The following DENND4C variants were observed in gnomAD, a reference collection of about 807,000 sequenced individuals.
DENND4C encodes DENN domain-containing protein 4C.
DENND4C carries 108 observed loss-of-function variants against 203.0 expected under a neutral mutation model. That is an observed-to-expected ratio of 0.53 (90% CI 0.46 to 0.62). The LOEUF (loss-of-function observed/expected upper bound fraction) is 0.62. Among genes scored for constraint, DENND4C ranks in the 20% least tolerant of loss-of-function variants. The pLI is 0.00. For synonymous variants in DENND4C, 871 were observed against 792.4 expected, an observed-to-expected ratio of 1.10 and a Z score of -1.67; for missense variants, 2,481 against 2,301.2, an observed-to-expected ratio of 1.08 and a Z score of -1.60.
chr9:19,300,646 C>T (rs1588874788), intron 9 of DENND4C, among the ~76,000 whole-genome samples: 1 of 152,116 alleles, frequency 6.6e-6, no homozygotes, highest in African/African-American at 2.4e-5. Flanking sequence ...TATTGAGAGG[C>T]TCTGGCCAAT....
intron 21 of DENND4C, among the ~76,000 whole-genome samples, 193 bp downstream of exon 21, chr9:19,341,307 C>CTTTTT (rs1369671422): frequency 6.0e-5 from 8 of 132,670 alleles, no homozygotes; most frequent in African/African-American, 2.3e-4. Context: ...AACTTTCTTT[C>CTTTTT]TTTCTTTTTT....
chr9:19,346,670 A>G lies in DENND4C; in HGVS notation c.3901A>G (p.Ser1301Gly). 1.2e-6 allele frequency: 2 copies of G among 1,614,198 alleles called. No individual in the cohort carries two copies. Among genetic ancestry groups the G allele is most frequent in the Non-Finnish European group, 1.7e-6 (2 of 1,180,036 alleles). Reference protein sequence around the residue: ...LKSPLGSKSSSMELHREENRE... With the variant: ...LKSPLGSKSSGMELHREENRE... ...AAGTCCCCTAGGTAGTAAATCTTCT[A>G]GTATGGAATTACACAGAGAGGAAAA... Residue 1301 changes from serine to glycine, a missense_variant, in exon 23 of 33, where the codon AGT (serine) becomes GGT (glycine). Physicochemically the swap from Ser to Gly is moderately conservative, Grantham distance 56. Transcript: ENST00000434457.
chr9:19,255,435 A>G (rs975339551), intron 1 of DENND4C, among the ~76,000 whole-genome samples: 2 of 151,884 alleles, frequency 1.3e-5, no homozygotes, highest in South Asian at 2.1e-4. Context: ...TAATGTAAAA[A>G]CCATCAAAAT....
chr9:19,320,681 A>G (rs1434267923), intron 12 of DENND4C, among the ~76,000 whole-genome samples: 1 of 152,176 alleles, frequency 6.6e-6, no homozygotes, highest in Admixed American at 6.5e-5. Flanking sequence ...CGTGGTGCTC[A>G]CTTCTTCCTA....
chr9:19,236,255 C>G (rs1173143664), intron 1 of DENND4C, among the ~76,000 whole-genome samples: 1 of 152,040 alleles, frequency 6.6e-6, no homozygotes, highest in Non-Finnish European at 1.5e-5. Context: ...TAAATAAGCA[C>G]CGTAACTACA....
intron 1 of DENND4C, among the ~76,000 whole-genome samples, chr9:19,262,286 C>T (rs1342522219): frequency 6.6e-6 from 1 of 151,618 alleles, no homozygotes; most frequent in African/African-American, 2.4e-5. Context: ...GGGGGTTTCA[C>T]CATGTTGGCC....
In DENND4C at chr9:19,300,168, T is replaced by C. The variant is rs1588873823; in HGVS notation, c.1167-19T>C. On this transcript the variant is annotated intron_variant, in intron 8 of 32. Coordinates refer to ENST00000434457, the MANE Select transcript of DENND4C (RefSeq NM_001330640.2). ...CAAAATAGTTCACAATGATCTACTT[T>C]TCTCTTTTTTTTCCCTAGTGGAGCC... 6.3e-7 allele frequency: 1 copy of C among 1,581,906 alleles called. No homozygotes were observed. The highest frequency in any genetic ancestry group is 8.6e-7 in the Non-Finnish European group (1 of 1,157,488).
At chr9:19,295,889 TCA>T in intron 5 of DENND4C, 117 bp from the exon 6 acceptor site, 2 of 707,800 alleles carry the variant, frequency 2.8e-6, no homozygotes, top group Admixed American at 2.9e-5. Context: ...ATTTTTTTTT[TCA>T]TAATTTATCT....
intron 9 of DENND4C, 103 bp downstream of exon 9, chr9:19,300,434 T>A: frequency 8.7e-7 from 1 of 1,150,974 alleles, no homozygotes. Flanking sequence ...ACAACAAATT[T>A]AAAAAAAGGA....
chr9:19,324,071 A>G (rs540425467), intron 12 of DENND4C, among the ~76,000 whole-genome samples: 3 of 152,330 alleles, frequency 2.0e-5, no homozygotes, highest in African/African-American at 4.8e-5. Flanking sequence ...TATAATGTAT[A>G]TGTGAAACAT....
intron 1 of DENND4C, among the ~76,000 whole-genome samples, chr9:19,269,029 T>C (rs899332906): frequency 6.6e-6 from 1 of 152,186 alleles, no homozygotes; most frequent in Non-Finnish European, 1.5e-5. Context: ...TGGTACATAC[T>C]TCTCTCTACC....
intron 1 of DENND4C, among the ~76,000 whole-genome samples, chr9:19,234,727 G>T (rs911929760): frequency 6.6e-6 from 1 of 151,534 alleles, no homozygotes; most frequent in African/African-American, 2.4e-5. Context: ...ATTTTTTGTA[G>T]AGACAGCGTT....
At chr9:19,336,442 C>A (rs760057466) in intron 19 of DENND4C, 28 bp downstream of exon 19, 1 of 1,595,176 alleles carries the variant, frequency 6.3e-7, no homozygotes, top group Non-Finnish European at 8.5e-7. Context: ...AAATATAATT[C>A]CTTACTGAAC....
At chr9:19,238,476 TCCC>T (rs1822659791) in intron 1 of DENND4C, among the ~76,000 whole-genome samples, 2 of 9,966 alleles carry the variant, frequency 2.0e-4, no homozygotes, top group African/African-American at 4.8e-4. Context: ...CCCTCTCCCC[TCCC>T]CTCCCCCTTC....
intron 20 of DENND4C, chr9:19,337,613 G>A (rs1218262025): frequency 7.8e-7 from 1 of 1,283,086 alleles, no homozygotes; most frequent in South Asian, 1.3e-5. Flanking sequence ...AGACTTATAT[G>A]ACGTGAAGCT....
intron 16 of DENND4C, 115 bp downstream of exon 16, chr9:19,328,277 G>A: frequency 9.2e-7 from 1 of 1,084,908 alleles, no homozygotes; most frequent in Non-Finnish European, 1.3e-6. Context: ...ACTCACTTTG[G>A]TTGTTATTGA....
At position 19,274,341 on chromosome 9, in the gene DENND4C, G is replaced by C. The variant is rs538358376; in HGVS notation, c.-17-1817G>C. Among the ~76,000 whole-genome samples, 13 of 152,014 alleles carry C rather than the reference G, an allele frequency of 8.6e-5. No individual in the cohort carries two copies. The South Asian group carries it at 2.7e-3, about 31-fold the overall frequency. On this transcript the variant is annotated intron_variant, in intron 1 of 32. Transcript: ENST00000434457. Reference sequence around the variant, plus strand: ...ATGGAATTTTGCTCTTGTTGCCCAGGCTGGAGTGCAATGGTGCGATCTCGG... The same window carrying C: ...ATGGAATTTTGCTCTTGTTGCCCAGCCTGGAGTGCAATGGTGCGATCTCGG...
chr9:19,332,164 G>A lies in DENND4C; in HGVS notation c.2440G>A (p.Asp814Asn). 6.2e-7 allele frequency: 1 copy of A among 1,613,906 alleles called. No homozygotes were observed. The highest frequency in any genetic ancestry group is 8.5e-7 in the Non-Finnish European group (1 of 1,179,884). The change falls in exon 17 of 33, where the codon GAT (aspartate) becomes AAT (asparagine). Residue 814 changes from aspartate to asparagine, a missense_variant. Coordinates refer to ENST00000434457, the MANE Select transcript of DENND4C (RefSeq NM_001330640.2). The part of the protein sequence containing the change: ...YDVLIKMRKT[D>N]VDPLDEVCYR... ...TGTACTTATTAAGATGAGGAAAACAGATGTGGATCCCTTAGATGAGGCAAG... is the reference window on the plus strand; with the variant it reads ...TGTACTTATTAAGATGAGGAAAACAAATGTGGATCCCTTAGATGAGGCAAG...
Position 19,242,420 on chromosome 9 carries a change from A to G in DENND4C, c.-18+11587A>G, listed in dbSNP as rs577579662. Among the ~76,000 whole-genome samples the G allele has an allele frequency of 3.3e-5, 5 of 152,330 alleles. No individual in the cohort carries two copies. The South Asian group carries it at 8.3e-4, about 25-fold the overall frequency. ...TGTGTAACTATAAGTTTTTAAATCA[A>G]TTTGGATAATCAAATACCTCAGCAA... On this transcript the variant is annotated intron_variant, in intron 1 of 32. Transcript: ENST00000434457.
Sources: gnomAD v4.1 joint callset for allele counts (sites outside exome capture counted in the v4.1 genomes callset) on GRCh38, gnomAD v4.1.1 for gene constraint, MANE v1.5 for transcripts, NCBI Gene and HGNC (gene_info 2026-07-23, HGNC 2026-07-21) for gene names.